HNRNPR: variants seen among roughly 807,000 people sequenced by gnomAD.
HNRNPR encodes heterogeneous nuclear ribonucleoprotein R.
Under a neutral mutation model 70.3 loss-of-function variants are expected in HNRNPR, and 4 were observed. The ratio of observed to expected loss-of-function variants is 0.06; its 90% CI spans 0.03 to 0.13. The LOEUF is 0.13. Ranked by LOEUF, HNRNPR falls within the 10% of genes least tolerant of loss-of-function variation. The pLI is 1.00. For synonymous variants in HNRNPR, 241 were observed against 267.6 expected, an observed-to-expected ratio of 0.90 and a Z score of 0.97; for missense variants, 423 against 788.5, an observed-to-expected ratio of 0.54 and a Z score of 5.55.
intron 7 of HNRNPR, among the ~76,000 whole-genome samples, chr1:23,320,471 T>C (rs966624695): frequency 2.6e-5 from 4 of 152,120 alleles, no homozygotes; most frequent in African/African-American, 9.7e-5. Flanking sequence ...TTCACCAATG[T>C]AGATGTTAAA....
At chr1:23,343,568 A>G (rs1174997849) in intron 1 of HNRNPR, among the ~76,000 whole-genome samples, 2 of 152,196 alleles carry the variant, frequency 1.3e-5, no homozygotes, top group African/African-American at 2.4e-5. Flanking sequence ...TCTCAGAATT[A>G]TCCATTTCAG....
Position 23,310,381 on chromosome 1 carries a change from ATT to A in HNRNPR, c.*71_*72del, listed in dbSNP as rs1474262091. On this transcript the variant is annotated 3_prime_UTR_variant, in exon 11 of 11. Coordinates refer to ENST00000302271, the MANE Select transcript of HNRNPR (RefSeq NM_005826.5). This position sits in a 1 kb window ranked among gnomAD's most constrained non-coding sequence, Gnocchi z 6.0. ...ACTTAAAGATGAAACAGTTAAGCCA[ATT>A]TTTTTTTTTGAAGAATGTAGATCTA... 1.3e-5 allele frequency: 14 copies of A among 1,077,996 alleles called. No homozygotes were observed. Among genetic ancestry groups the A allele is most frequent in the East Asian group, 3.1e-5 (1 of 32,400 alleles). The allele number at this position is 1,077,996 out of a possible 1,614,324, so 66.8% of individuals were successfully genotyped here.
chr1:23,328,012 A>T (rs1189703186), intron 5 of HNRNPR, among the ~76,000 whole-genome samples: 1 of 149,678 alleles, frequency 6.7e-6, no homozygotes, highest in Admixed American at 6.6e-5. Flanking sequence ...AAAAAAAAAA[A>T]AGAAAAGAAA....
intron 5 of HNRNPR, among the ~76,000 whole-genome samples, chr1:23,330,504 C>T (rs1169921589): frequency 1.3e-5 from 2 of 152,206 alleles, no homozygotes; most frequent in African/African-American, 4.8e-5. Context: ...CATTACACTC[C>T]AGCCTGGGCG....
At position 23,328,848 on chromosome 1, in the gene HNRNPR, G is replaced by C. The variant is rs374532197; in HGVS notation, c.498+4670C>G. ...AACTTCCTAGTGTGGGTTGGGCATGGTGACTCACACTTGTAAACCCAACTC... is the reference window on the plus strand; with the variant it reads ...AACTTCCTAGTGTGGGTTGGGCATGCTGACTCACACTTGTAAACCCAACTC... On this transcript the variant is annotated intron_variant, in intron 5 of 10. Coordinates refer to ENST00000302271, the MANE Select transcript of HNRNPR (RefSeq NM_005826.5). Among the ~76,000 whole-genome samples the C allele has an allele frequency of 5.3e-5, 8 of 152,268 alleles. No individual in the cohort carries two copies. In the East Asian group the frequency reaches 1.5e-3, roughly 29 times the overall value.
intron 7 of HNRNPR, among the ~76,000 whole-genome samples, chr1:23,321,004 T>C (rs2148370625): frequency 6.6e-6 from 1 of 151,946 alleles, no homozygotes; most frequent in South Asian, 2.1e-4. Flanking sequence ...CCGTCTCTAC[T>C]AAAAATACAA....
chr1:23,334,198 G>A (rs1419016034), intron 4 of HNRNPR, among the ~76,000 whole-genome samples: 3 of 148,274 alleles, frequency 2.0e-5, no homozygotes, highest in Non-Finnish European at 4.4e-5. Flanking sequence ...ACAGGTGTGA[G>A]CCACTGTGCC....
chr1:23,307,342 T>C lies in HNRNPR; in HGVS notation c.*3112A>G, dbSNP rs1252400201. 7 of 152,176 alleles carry C rather than the reference T, an allele frequency of 4.6e-5. No individual in the cohort carries two copies. The East Asian group carries it at 1.2e-3, about 25-fold the overall frequency. 9.4% of individuals were successfully genotyped at this position (152,176 alleles called of 1,614,324 possible). Reference sequence around the variant, plus strand: ...GTGAAATTTTATGTCCCTTCTCTTTTAGAATTTAAAATATATAATTTATTT... The same window carrying C: ...GTGAAATTTTATGTCCCTTCTCTTTCAGAATTTAAAATATATAATTTATTT... On this transcript the variant is annotated 3_prime_UTR_variant, in exon 11 of 11. Transcript: ENST00000302271.
intron 5 of HNRNPR, among the ~76,000 whole-genome samples, chr1:23,325,846 T>C (rs1407975094): frequency 1.3e-5 from 2 of 152,152 alleles, no homozygotes; most frequent in African/African-American, 4.8e-5. Context: ...TTATATTTAT[T>C]TCCTTTCACT....
intron 4 of HNRNPR, 123 bp downstream of exon 4, chr1:23,337,631 G>A: frequency 1.6e-6 from 1 of 624,270 alleles, no homozygotes; most frequent in Non-Finnish European, 2.8e-6. Context: ...CTCCAGCCTG[G>A]GCGACAGAGC....
chr1:23,321,784 C>T (rs1168184426), intron 6 of HNRNPR, 121 bp from the exon 7 acceptor site: 3 of 856,342 alleles, frequency 3.5e-6, no homozygotes, highest in Non-Finnish European at 5.3e-6. Flanking sequence ...TCACCAAGTT[C>T]CCTCATGCTT....
intron 7 of HNRNPR, among the ~76,000 whole-genome samples, chr1:23,321,314 A>G (rs1645750650): frequency 6.6e-6 from 1 of 152,206 alleles, no homozygotes. Flanking sequence ...CCAAGGTTCA[A>G]TTAAGACAAA....
At chr1:23,319,243 G>C (rs1022555537) in intron 7 of HNRNPR, among the ~76,000 whole-genome samples, 9 of 152,234 alleles carry the variant, frequency 5.9e-5, no homozygotes, top group African/African-American at 2.2e-4. Context: ...TAAATACTTA[G>C]ATTTTTTTCC....
intron 5 of HNRNPR, among the ~76,000 whole-genome samples, chr1:23,327,425 T>C (rs551681273): frequency 6.6e-6 from 1 of 152,316 alleles, no homozygotes; most frequent in African/African-American, 2.4e-5. Context: ...CAGTGGCTCA[T>C]GTGTGCAATC....
intron 6 of HNRNPR, among the ~76,000 whole-genome samples, chr1:23,322,690 G>A (rs1466094236): frequency 6.6e-6 from 1 of 152,102 alleles, no homozygotes; most frequent in African/African-American, 2.4e-5. Flanking sequence ...ACTAAAATCT[G>A]GGTCAAGCTA....
At chr1:23,324,409 A>G (rs1321268449) in intron 5 of HNRNPR, among the ~76,000 whole-genome samples, 3 of 152,068 alleles carry the variant, frequency 2.0e-5, no homozygotes, top group African/African-American at 2.4e-5. Context: ...TCCACTAAAA[A>G]TACAAAAAAT....
chr1:23,341,948 T>C (rs994260179), intron 1 of HNRNPR, among the ~76,000 whole-genome samples: 2 of 152,108 alleles, frequency 1.3e-5, no homozygotes, highest in African/African-American at 2.4e-5. Context: ...CAATAAACCA[T>C]ACAAGGCCAG....
At chr1:23,337,943 A>C in intron 3 of HNRNPR, 82 bp from the exon 4 acceptor site, 1 of 856,372 alleles carries the variant, frequency 1.2e-6, no homozygotes. Flanking sequence ...TAAATTTCAG[A>C]AAACCAGGAT....
rs1443542309 is a variant in HNRNPR, at chr1:23,314,721, C to A, written c.1018-1019G>T. Among the ~76,000 whole-genome samples, 4 of 152,088 alleles carry A rather than the reference C, an allele frequency of 2.6e-5. No individual in the cohort carries two copies. The East Asian group carries it at 7.7e-4, about 29-fold the overall frequency. On this transcript the variant is annotated intron_variant, in intron 8 of 10. Transcript: ENST00000302271. ...TTTGTCAAGAATGAGGAAAATAATT[C>A]TCTTGTATTTTGCTGGTAGGAATGT...
Sources: gnomAD v4.1 joint callset for allele counts (sites outside exome capture counted in the v4.1 genomes callset) on GRCh38, gnomAD v4.1.1 for gene constraint, Gnocchi (gnomAD v3.1) non-coding constraint, MANE v1.5 for transcripts, NCBI Gene and HGNC (gene_info 2026-07-23, HGNC 2026-07-21) for gene names.